HSPG2: variants seen among roughly 807,000 people sequenced by gnomAD.
The protein encoded by HSPG2 is heparan sulfate proteoglycan 2.
In HSPG2, 278 loss-of-function variants were observed where a neutral mutation model predicts 526.6. The observed-to-expected ratio is 0.53, with a 90% CI of 0.48 to 0.58. The LOEUF (loss-of-function observed/expected upper bound fraction) is 0.58. Among genes scored for constraint, HSPG2 ranks in the 20% least tolerant of loss-of-function variants. HSPG2 has a pLI of 0.00. For synonymous variants in HSPG2, 2,465 were observed against 2,555.4 expected (o/e 0.96, Z 1.07); for missense variants, 5,354 against 6,099.5 (o/e 0.88, Z 4.07).
Position 21,850,097 on chromosome 1 carries a change from C to T in HSPG2, c.7390G>A (p.Ala2464Thr). ...TTGTGCCACGTGACCTGGGCATGGG[C>T]CTGACCAGCAACGAGGCAGTTCAGG... ...LDLNCLVAGQ[A>T]HAQVTWHKRG... Residue 2464 changes from alanine (A) to threonine (T), a missense_variant, in exon 57 of 97, where the codon GCC (alanine) becomes ACC (threonine). Ala to Thr is a moderately conservative substitution (Grantham distance 58). Coordinates refer to ENST00000374695, the MANE Select transcript of HSPG2 (RefSeq NM_005529.7). 6.2e-7 allele frequency: 1 copy of T among 1,613,472 alleles called. No individual in the cohort carries two copies. The highest frequency in any genetic ancestry group is 8.5e-7 in the Non-Finnish European group (1 of 1,180,014).
rs1330504371 is a variant in HSPG2 at position 21,827,849 on chromosome 1, T to C, written c.12589+14A>G. On this transcript the variant is annotated intron_variant, in intron 91 of 96. Coordinates refer to ENST00000374695, the MANE Select transcript of HSPG2 (RefSeq NM_005529.7). ...TGAGCTGAAGCTGGGGAGGAGGCCA[T>C]GGCAAGTACTCACCATTGCCCCCGC... The C allele has an allele frequency of 1.7e-5, 26 of 1,574,232 alleles. No individual in the cohort carries two copies. Among genetic ancestry groups the C allele is most frequent in the Non-Finnish European group, 2.1e-5 (24 of 1,159,526 alleles).
In HSPG2 at chr1:21,876,236, C is replaced by T. The variant is rs139374562; in HGVS notation, c.2996G>A (p.Gly999Glu). 10 of 1,608,050 alleles carry T rather than the reference C, an allele frequency of 6.2e-6. No individual in the cohort carries two copies. Among genetic ancestry groups the T allele is most frequent in the South Asian group, 4.4e-5 (4 of 89,970 alleles). ...TTTCCACCCACTACCCACCTTGTCCCCCAGGAAGCGTGAAGGGAGGCTCCA... is the reference window on the plus strand; with the variant it reads ...TTTCCACCCACTACCCACCTTGTCCTCCAGGAAGCGTGAAGGGAGGCTCCA... ...YFWSLPSRFL[G>E]DKVTSYGGEL... Residue 999 changes from glycine to glutamate, a missense_variant, in exon 23 of 97, where the codon GGG becomes GAG. Gly to Glu is a moderately conservative substitution (Grantham distance 98, BLOSUM62 -2). Coordinates refer to ENST00000374695, the MANE Select transcript of HSPG2 (RefSeq NM_005529.7).
chr1:21,873,321 C>T (rs979150391), intron 30 of HSPG2, 54 bp downstream of exon 30: 40 of 1,589,856 alleles, frequency 2.5e-5, no homozygotes, highest in Non-Finnish European at 3.0e-5. Context: ...GTCCTAGCTC[C>T]GCCCTAGGGA....
chr1:21,859,926 C>T lies in HSPG2; in HGVS notation c.5091G>A (p.Arg1697=), dbSNP rs779727707. 3 of 1,610,332 alleles carry T rather than the reference C, an allele frequency of 1.9e-6. No individual in the cohort carries two copies. In the South Asian group the frequency reaches 3.3e-5, roughly 18 times the overall value. The change falls in exon 41 of 97, where the codon CGG becomes CGA. Residue 1697 remains arginine, a synonymous_variant. Transcript: ENST00000374695. This position sits in a 1 kb window ranked among gnomAD's most constrained non-coding sequence, Gnocchi z 5.3. The part of the protein sequence containing the change: ...IVPQGGSHSL[R]CQVSGSPPHY... ...GGGGTGGGCTCCCACTGACCTGACACCGCAGGGAGTGGGAGCCACCTTGGG... is the reference window on the plus strand; with the variant it reads ...GGGGTGGGCTCCCACTGACCTGACATCGCAGGGAGTGGGAGCCACCTTGGG...
rs1285642332 is a variant in HSPG2 at position 21,836,835 on chromosome 1, G to A, written c.10322C>T (p.Pro3441Leu). 1.9e-6 allele frequency: 3 copies of A among 1,578,630 alleles called. No homozygotes were observed. Among genetic ancestry groups the A allele is most frequent in the East Asian group, 2.3e-5 (1 of 43,254 alleles). The stretch of plus-strand genomic sequence containing the variant: ...CCCATCCTGCACGCTGTGACCCGGA[G>A]GCAGCTGACCCCCTTCCTTGAACCA... ...LRWFKEGGQL[P>L]PGHSVQDGVL... Residue 3441 changes from proline to leucine, a missense_variant, in exon 75 of 97, where the codon CCT becomes CTT. Pro to Leu is a moderately conservative substitution (Grantham distance 98, BLOSUM62 -3). Transcript: ENST00000374695.
chr1:21,917,253 C>T (rs111360546), intron 1 of HSPG2, among the ~76,000 whole-genome samples: 2 of 151,630 alleles, frequency 1.3e-5, no homozygotes, highest in African/African-American at 4.9e-5. Context: ...AGCAACATGG[C>T]GAGACCCCGT....
intron 33 of HSPG2, chr1:21,869,492 A>G (rs193084913): frequency 1.4e-3 from 1,368 of 987,610 alleles, no homozygotes; most frequent in Middle Eastern, 2.0e-3. Flanking sequence ...AAAGACAGAG[A>G]AGCTGAGGAA....
chr1:21,846,020 A>C, intron 64 of HSPG2, 88 bp downstream of exon 64: 1 of 1,493,144 alleles, frequency 6.7e-7, no homozygotes, highest in Non-Finnish European at 9.3e-7. Context: ...CGAGTGCCAG[A>C]AAGTGTTTCC....
intron 39 of HSPG2, among the ~76,000 whole-genome samples, chr1:21,860,791 T>C (rs1433294429): frequency 6.6e-6 from 1 of 152,174 alleles, no homozygotes; most frequent in Non-Finnish European, 1.5e-5. Context: ...GGCCAGCAAA[T>C]GTCCATTAAG....
rs1228783994 is a variant in HSPG2, at chr1:21,865,637, G to A, written c.4314+80C>T. 3 of 1,207,914 alleles carry A rather than the reference G, an allele frequency of 2.5e-6. No homozygotes were observed. The highest frequency in any genetic ancestry group is 3.7e-6 in the Non-Finnish European group (3 of 811,546). The allele number at this position is 1,207,914 out of a possible 1,614,324, so 74.8% of individuals were successfully genotyped here. A position where few individuals can be genotyped will look rare whatever the true frequency, so the allele number is the denominator to read the frequency against. On this transcript the variant is annotated intron_variant, in intron 34 of 96. Coordinates refer to ENST00000374695, the MANE Select transcript of HSPG2 (RefSeq NM_005529.7). This position sits in a 1 kb window ranked among gnomAD's most constrained non-coding sequence, Gnocchi z 5.4. Reference sequence around the variant, plus strand: ...CAGAAAACTGAGTGCTGGATGGAAAGGACAAAGGACAAATGCCGAGGGTGC... The same window carrying A: ...CAGAAAACTGAGTGCTGGATGGAAAAGACAAAGGACAAATGCCGAGGGTGC...
rs755442255 is a variant in HSPG2 at position 21,852,082 on chromosome 1, C to CT, written c.6870+5dup. ...GGCCCCGTCCCACATTCTTGGTGCCCTGTACCTGGTGCCGGGCAGGGAGGC... is the reference window on the plus strand; with the variant it reads ...GGCCCCGTCCCACATTCTTGGTGCCCTTGTACCTGGTGCCGGGCAGGGAGGC... On this transcript the variant is annotated splice_donor_region_variant and intron_variant, in intron 53 of 96. Coordinates refer to ENST00000374695, the MANE Select transcript of HSPG2 (RefSeq NM_005529.7). 85 of 1,613,296 alleles carry CT rather than the reference C, an allele frequency of 5.3e-5. No homozygotes were observed. In the African/African-American group the frequency reaches 1.1e-3, roughly 20 times the overall value.
intron 29 of HSPG2, 33 bp downstream of exon 29, chr1:21,873,892 G>A (rs1475673768): frequency 8.5e-6 from 13 of 1,528,242 alleles, no homozygotes; most frequent in African/African-American, 5.5e-5. Context: ...CCCCCTGTGC[G>A]CATCCCCCCA....
intron 1 of HSPG2, among the ~76,000 whole-genome samples, chr1:21,935,618 C>T (rs1361995912): frequency 6.6e-6 from 1 of 152,224 alleles, no homozygotes; most frequent in Admixed American, 6.5e-5. Flanking sequence ...TGTGGAAATT[C>T]CTCATGCACA....
rs1012617305 is a variant in HSPG2, at chr1:21,823,262, C to T, written c.*54G>A. 13 of 1,385,968 alleles carry T rather than the reference C, an allele frequency of 9.4e-6. No homozygotes were observed. The highest frequency in any genetic ancestry group is 7.5e-5 in the East Asian group (3 of 39,744). 85.9% of individuals were successfully genotyped at this position (1,385,968 alleles called of 1,614,324 possible). On this transcript the variant is annotated 3_prime_UTR_variant, in exon 97 of 97. Coordinates refer to ENST00000374695, the MANE Select transcript of HSPG2 (RefSeq NM_005529.7). The stretch of plus-strand genomic sequence containing the variant: ...ATAATAATATTAATAATAATATACT[C>T]GACATTGTCGGGCTGGGGCGTGGCC...
Position 21,847,701 on chromosome 1 carries a change from G to T in HSPG2, c.8013C>A (p.Pro2671=). The T allele has an allele frequency of 6.2e-7, 1 of 1,609,034 alleles. No individual in the cohort carries two copies. The change falls in exon 61 of 97, where the codon CCC becomes CCA. Residue 2671 remains proline (P), a synonymous_variant. Transcript: ENST00000374695. The surrounding 1 kb of genome is among the most constrained non-coding windows in gnomAD (Gnocchi z 4.1). ...ITWYKRGGSL[P]SRHQTHGSHL... is the part of the protein sequence containing the mutation. ...CTCCACTCTGTACCTGGTGTCGGGA[G>T]GGAAGGCTGCCCCCACGCTTGTACC...
intron 1 of HSPG2, among the ~76,000 whole-genome samples, chr1:21,909,731 G>A (rs979107222): frequency 3.3e-5 from 5 of 152,186 alleles, no homozygotes; most frequent in Non-Finnish European, 1.5e-5. Flanking sequence ...CTTGGTCTAG[G>A]CAGGATTACC....
intron 1 of HSPG2, among the ~76,000 whole-genome samples, chr1:21,930,513 C>T (rs1377646418): frequency 9.9e-5 from 15 of 152,220 alleles, no homozygotes. Context: ...GTGGCTCACG[C>T]CTGTAATCCC....
chr1:21,883,794 G>A (rs1310135017), intron 13 of HSPG2, among the ~76,000 whole-genome samples: 1 of 152,244 alleles, frequency 6.6e-6, no homozygotes, highest in African/African-American at 2.4e-5. Flanking sequence ...AAACGACAGA[G>A]CTGGGACCTG....
rs533330734 is a variant in HSPG2 at position 21,894,199 on chromosome 1, G to T, written c.244+1723C>A. Among the ~76,000 whole-genome samples the T allele has an allele frequency of 2.1e-3, 327 of 152,212 alleles. 2 individuals are homozygous for T. Among genetic ancestry groups the T allele is most frequent in the African/African-American group, 7.6e-3 (316 of 41,512 alleles). ...ATCAGGGACGGGTCTTGACACACAG[G>T]GGGCTGGAGCTGAGCCAGGGAGCCA... is the stretch of plus-strand genomic sequence containing the variant. On this transcript the variant is annotated intron_variant, in intron 3 of 96. Transcript: ENST00000374695.
Sources: gnomAD v4.1 joint callset for allele counts (sites outside exome capture counted in the v4.1 genomes callset) on GRCh38, gnomAD v4.1.1 for gene constraint, Gnocchi (gnomAD v3.1) non-coding constraint, MANE v1.5 for transcripts, NCBI Gene and HGNC (gene_info 2026-07-23, HGNC 2026-07-21) for gene names.